The following BYSL variants were observed in gnomAD, a reference collection of about 807,000 sequenced individuals.
The protein encoded by BYSL is bystin.
A neutral mutation model predicts 45.4 loss-of-function variants in BYSL; 21 were observed. That is an observed-to-expected ratio of 0.46 (90% CI 0.33 to 0.67). BYSL has a LOEUF of 0.67. BYSL is among the 30% of genes least tolerant of loss of function. BYSL has a pLI of 0.02. For synonymous variants in BYSL, 215 were observed against 231.3 expected (o/e 0.93, Z 0.64); for missense variants, 522 against 578.5 (o/e 0.90, Z 1.00).
chr6:41,910,135 G>A, the BYSL span, among the ~76,000 whole-genome samples: 9 of 152,234 alleles, frequency 5.9e-5, no homozygotes, highest in Admixed American at 3.3e-4. Flanking sequence ...ATGGCAAACC[G>A]TTGGAGAATT....
chr6:41,925,694 T>A (rs926921610), intron 1 of BYSL, among the ~76,000 whole-genome samples: 6 of 132,402 alleles, frequency 4.5e-5, no homozygotes, highest in South Asian at 2.4e-4. Context: ...TTATTTATTT[T>A]TTTGAGACAG....
chr6:41,931,077 C>G (rs1179266419), intron 4 of BYSL, among the ~76,000 whole-genome samples: 1 of 87,424 alleles, frequency 1.1e-5, no homozygotes, highest in African/African-American at 5.2e-5. Flanking sequence ...AACCCTGTAG[C>G]AGGACCCTCA....
upstream of BYSL, among the ~76,000 whole-genome samples, chr6:41,917,098 T>C (rs1394390984): frequency 6.6e-6 from 1 of 152,124 alleles, no homozygotes; most frequent in Non-Finnish European, 1.5e-5. Flanking sequence ...TATTATTATT[T>C]TTAATTAAAA....
chr6:41,922,169 C>G (rs1775492886), intron 1 of BYSL, among the ~76,000 whole-genome samples: 1 of 152,150 alleles, frequency 6.6e-6, no homozygotes. Context: ...AAGTAAACAA[C>G]ACAGGCACGT....
chr6:41,930,348 T>G (rs1375242853), intron 3 of BYSL, 78 bp downstream of exon 3: 1 of 1,541,576 alleles, frequency 6.5e-7, no homozygotes, highest in Non-Finnish European at 8.8e-7. Flanking sequence ...TTTTGCCTTT[T>G]GCCTGCATCA....
Position 41,928,809 on chromosome 6 carries a change from C to A in BYSL, c.431+1273C>A, listed in dbSNP as rs371224524. Among the ~76,000 whole-genome samples, 7 of 152,324 alleles carry A rather than the reference C, an allele frequency of 4.6e-5. 1 individual carries two copies. The highest frequency in any genetic ancestry group is 6.8e-3 in the Middle Eastern group (2 of 294). On this transcript the variant is annotated intron_variant, in intron 2 of 6. Coordinates refer to ENST00000230340, the MANE Select transcript of BYSL (RefSeq NM_004053.4). ...GTGAGGCCTTGGGTGAGTTATTAAC[C>A]TGAGGCCCAGTTCCCATGTCTGCAT...
Position 41,921,932 on chromosome 6 carries a change from G to C in BYSL, c.268+102G>C, listed in dbSNP as rs373268053. 10 of 1,443,562 alleles carry C rather than the reference G, an allele frequency of 6.9e-6. No individual in the cohort carries two copies. In the South Asian group the frequency reaches 9.8e-5, roughly 14 times the overall value. 89.4% of individuals were successfully genotyped at this position (1,443,562 alleles called of 1,614,324 possible). On this transcript the variant is annotated intron_variant, in intron 1 of 6. Transcript: ENST00000230340. ...AGGGGAATTGCTTCGAGTCAACAAA[G>C]GGGTCCGTATTACACTTGCAAAGGA...
intron 6 of BYSL, 46 bp downstream of exon 6, chr6:41,931,876 A>C (rs746107016): frequency 1.3e-6 from 2 of 1,544,814 alleles, no homozygotes; most frequent in Non-Finnish European, 1.8e-6. Flanking sequence ...GGATATCCAG[A>C]TAGTGGAATT....
upstream of BYSL, among the ~76,000 whole-genome samples, chr6:41,919,070 A>G (rs1775392284): frequency 6.8e-6 from 1 of 146,298 alleles, no homozygotes; most frequent in Non-Finnish European, 1.5e-5. Context: ...CGGAGCTTGC[A>G]GTGAGCCGAG....
chr6:41,916,377 C>T, the BYSL span, among the ~76,000 whole-genome samples: 5 of 152,118 alleles, frequency 3.3e-5, no homozygotes, highest in Admixed American at 6.5e-5. Flanking sequence ...GTCGGGAGTT[C>T]GAGATCAGCC....
At chr6:41,917,805 A>G, upstream of BYSL, 1 of 471,396 alleles carries the variant, frequency 2.1e-6, no homozygotes, top group South Asian at 1.5e-5. Flanking sequence ...CAACTCTGTG[A>G]ACTTGAGCTG....
chr6:41,932,265 A>G lies in BYSL; in HGVS notation c.969-96A>G, dbSNP rs544602007. The G allele has an allele frequency of 5.8e-6, 7 of 1,205,474 alleles. No individual in the cohort carries two copies. The highest frequency in any genetic ancestry group is 1.9e-4 in the Middle Eastern group (1 of 5,132). The allele number at this position is 1,205,474 out of a possible 1,614,324, so 74.7% of individuals were successfully genotyped here. On this transcript the variant is annotated intron_variant, in intron 6 of 6. Coordinates refer to ENST00000230340, the MANE Select transcript of BYSL (RefSeq NM_004053.4). The surrounding 1 kb of genome is among the most constrained non-coding windows in gnomAD (Gnocchi z 4.7). ...AATACCATAGTGTAAGGGCCAGCAG[A>G]GGGGAAGAAAAAAAGGGGAAAGCAT...
At chr6:41,929,791 G>A in intron 2 of BYSL, among the ~76,000 whole-genome samples, 1 of 152,208 alleles carries the variant, frequency 6.6e-6, no homozygotes, top group East Asian at 1.9e-4. Context: ...GGAAACAGAG[G>A]CATAGAGAGG....
At position 41,931,711 on chromosome 6, in the gene BYSL, C is replaced by T; in HGVS notation, c.866-17C>T. 1 of 1,612,208 alleles carries T rather than the reference C, an allele frequency of 6.2e-7. No individual in the cohort carries two copies. Among genetic ancestry groups the T allele is most frequent in the Non-Finnish European group, 8.5e-7 (1 of 1,178,262 alleles). On this transcript the variant is annotated splice_polypyrimidine_tract_variant and intron_variant, in intron 5 of 6. Coordinates refer to ENST00000230340, the MANE Select transcript of BYSL (RefSeq NM_004053.4). ...CTCATCCTGGGCTCACAGTGGCTGCCCTTTGACTCTCCCTAGGGATCCTGA... is the reference window on the plus strand; with the variant it reads ...CTCATCCTGGGCTCACAGTGGCTGCTCTTTGACTCTCCCTAGGGATCCTGA...
intron 2 of BYSL, 49 bp from the exon 3 acceptor site, chr6:41,930,083 A>G (rs757774434): frequency 6.2e-7 from 1 of 1,609,264 alleles, no homozygotes; most frequent in Non-Finnish European, 8.5e-7. Context: ...CAGTGACCAC[A>G]GTGCTCCTTG....
intron 2 of BYSL, among the ~76,000 whole-genome samples, chr6:41,927,953 T>C (rs1161221300): frequency 6.6e-6 from 1 of 152,038 alleles, no homozygotes; most frequent in Non-Finnish European, 1.5e-5. Context: ...CTGGGTAATT[T>C]TGTGTGTGTG....
chr6:41,921,810 G>C lies in BYSL; in HGVS notation c.248G>C (p.Arg83Pro), dbSNP rs1324100319. The change falls in exon 1 of 7, where the codon CGG becomes CCG. Residue 83 changes from arginine (R) to proline (P), a missense_variant. Arg to Pro is a moderately radical substitution (Grantham distance 103). Coordinates refer to ENST00000230340, the MANE Select transcript of BYSL (RefSeq NM_004053.4). ...ACTGGGGACAAGCCCGCGGCGCCGC[G>C]GGAACGCACCACGCGGCTGGGTGAG... ...HGTGDKPAAPRERTTRLGPRM... is the reference protein window; with the variant it reads ...HGTGDKPAAPPERTTRLGPRM... 1 of 1,611,534 alleles carries C rather than the reference G, an allele frequency of 6.2e-7. No homozygotes were observed. Among genetic ancestry groups the C allele is most frequent in the Admixed American group, 1.7e-5 (1 of 59,870 alleles).
intron 3 of BYSL, 156 bp from the exon 4 acceptor site, chr6:41,930,479 G>T: frequency 8.1e-7 from 1 of 1,228,738 alleles, no homozygotes; most frequent in Non-Finnish European, 1.1e-6. Flanking sequence ...ACTCTCACTG[G>T]TCATCTGTAA....
chr6:41,926,039 T>C (rs1322003046), intron 1 of BYSL, among the ~76,000 whole-genome samples: 2 of 152,222 alleles, frequency 1.3e-5, no homozygotes, highest in African/African-American at 4.8e-5. Context: ...ACTGCCTGAA[T>C]TTAAAGGCCC....
Sources: allele counts gnomAD v4.1 joint callset (sites outside exome capture counted in the v4.1 genomes callset), GRCh38; gene constraint gnomAD v4.1.1; non-coding constraint Gnocchi (gnomAD v3.1); transcripts MANE v1.5; gene names NCBI Gene and HGNC (gene_info 2026-07-23, HGNC 2026-07-21).